BPHL: variants seen among roughly 807,000 people sequenced by gnomAD.
BPHL encodes serine hydrolase BPHL.
In BPHL, 27 loss-of-function variants were observed where a neutral mutation model predicts 31.2. That is an observed-to-expected ratio of 0.87 (90% CI 0.64 to 1.19). The LOEUF is 1.19. Ranked by LOEUF, BPHL falls within the 50% of genes most tolerant of loss-of-function variation. The pLI is 0.00. For synonymous variants in BPHL, 150 were observed against 146.8 expected (o/e 1.02, Z -0.16); for missense variants, 356 against 375.7 (o/e 0.95, Z 0.43).
At chr6:3,129,314 C>G (rs1465398648) in intron 4 of BPHL, 116 bp downstream of exon 4, 33 of 1,293,240 alleles carry the variant, frequency 2.6e-5, no homozygotes, top group Non-Finnish European at 2.2e-5. Flanking sequence ...TAGTTCTCAA[C>G]TCTCAGGTAG....
At chr6:3,124,529 A>G (rs1241884664) in intron 2 of BPHL, among the ~76,000 whole-genome samples, 2 of 152,172 alleles carry the variant, frequency 1.3e-5, no homozygotes, top group Non-Finnish European at 2.9e-5. Context: ...CTGATATAAA[A>G]TAGCTCAATG....
intron 4 of BPHL, 102 bp from the exon 5 acceptor site, chr6:3,137,260 C>T (rs767211623): frequency 3.5e-6 from 5 of 1,417,034 alleles, no homozygotes; most frequent in Non-Finnish European, 4.8e-6. Context: ...GCAGACGAGA[C>T]AGTGAGCGCA....
Position 3,140,593 on chromosome 6 carries a change from G to A in BPHL, c.788+84G>A. 6.3e-7 allele frequency: 1 copy of A among 1,581,572 alleles called. No individual in the cohort carries two copies. Reference sequence around the variant, plus strand: ...CTACTGGAAGGAAAATAACCAAGAGGAGTTGGAGTTTTAGAGTGCACAGCC... The same window carrying A: ...CTACTGGAAGGAAAATAACCAAGAGAAGTTGGAGTTTTAGAGTGCACAGCC... On this transcript the variant is annotated intron_variant, in intron 6 of 6. Transcript: ENST00000380379. The surrounding 1 kb of genome is among the most constrained non-coding windows in gnomAD (Gnocchi z 5.2).
chr6:3,121,291 CTTTTTTTTTTT>C (rs67332286), intron 1 of BPHL, among the ~76,000 whole-genome samples: 3 of 80,380 alleles, frequency 3.7e-5, no homozygotes, highest in Admixed American at 1.4e-4. Flanking sequence ...ATAGCAGTTT[CTTTTTTTTTTT>C]TTTTTTTTTT....
At chr6:3,129,277 G>A (rs994078253) in intron 4 of BPHL, 79 bp downstream of exon 4, 160 of 1,441,596 alleles carry the variant, frequency 1.1e-4, no homozygotes, top group Non-Finnish European at 1.4e-4. Flanking sequence ...TGTGGGATAT[G>A]TTGACAAGAC....
At chr6:3,145,970 GGAGTGCTGGTTTGGGTC>G (rs1581486102) in intron 6 of BPHL, among the ~76,000 whole-genome samples, 2 of 69,786 alleles carry the variant, frequency 2.9e-5, no homozygotes, top group Admixed American at 1.2e-4. Context: ...GGTTTGGGTC[GGAGTGCTGGTTTGGGTC>G]GAGTGCTGGT....
intron 4 of BPHL, 80 bp from the exon 5 acceptor site, chr6:3,137,282 G>A: frequency 6.6e-7 from 1 of 1,525,832 alleles, no homozygotes; most frequent in South Asian, 1.2e-5. Context: ...GGGCTCAGAA[G>A]TGGCTCTTGC....
intron 1 of BPHL, among the ~76,000 whole-genome samples, chr6:3,123,088 T>C (rs2113745261): frequency 6.6e-6 from 1 of 152,342 alleles, no homozygotes; most frequent in African/African-American, 2.4e-5. Context: ...GCAAGCCGCC[T>C]AGGGTTTTTG....
At chr6:3,141,375 G>GT (rs553898894) in intron 6 of BPHL, among the ~76,000 whole-genome samples, 9 of 151,164 alleles carry the variant, frequency 6.0e-5, no homozygotes, top group African/African-American at 9.7e-5. Context: ...GAGGGAGTTG[G>GT]TTTTTTTTTG....
chr6:3,130,738 A>G (rs2113755231), intron 4 of BPHL, among the ~76,000 whole-genome samples: 1 of 152,306 alleles, frequency 6.6e-6, no homozygotes, highest in East Asian at 1.9e-4. Flanking sequence ...AGAATATCAC[A>G]AGTCTAGTCT....
chr6:3,152,709 A>G lies in BPHL; in HGVS notation c.*134A>G, dbSNP rs1581494832. On this transcript the variant is annotated 3_prime_UTR_variant, in exon 7 of 7. Coordinates refer to ENST00000380379, the MANE Select transcript of BPHL (RefSeq NM_004332.4). The stretch of plus-strand genomic sequence containing the variant: ...CCTTCAATCTTATCCTAACCAAATG[A>G]GAATAATGACATATTGAAAACAGCC... 23 of 748,882 alleles carry G rather than the reference A, an allele frequency of 3.1e-5. No individual in the cohort carries two copies. The East Asian group carries it at 6.2e-4, about 20-fold the overall frequency. 46.4% of individuals were successfully genotyped at this position (748,882 alleles called of 1,614,324 possible). A position where few individuals can be genotyped will look rare whatever the true frequency, so the allele number is the denominator to read the frequency against.
At chr6:3,128,856 T>G (rs1761788011) in intron 3 of BPHL, among the ~76,000 whole-genome samples, 189 bp from the exon 4 acceptor site, 1 of 152,254 alleles carries the variant, frequency 6.6e-6, no homozygotes, top group Admixed American at 6.5e-5. Flanking sequence ...CAGGTTTTTG[T>G]GACAATTTCC....
chr6:3,119,366 C>G, intron 1 of BPHL: 1 of 1,575,666 alleles, frequency 6.3e-7, no homozygotes, highest in South Asian at 1.1e-5. Context: ...TTGCTGATCT[C>G]GTACCTTAAT....
At position 3,144,393 on chromosome 6, in the gene BPHL, T is replaced by TTTG. The variant is rs1405528192; in HGVS notation, c.788+3886_788+3887insGTT. Reference sequence around the variant, plus strand: ...TCTTCTTTTTTTTTTTTTTTTTTGTTTTTTTTTTTAAGAGACAGGGCTTGC... The same window carrying TTTG: ...TCTTCTTTTTTTTTTTTTTTTTTGTTTTGTTTTTTTTTAAGAGACAGGGCTTGC... On this transcript the variant is annotated intron_variant, in intron 6 of 6. Coordinates refer to ENST00000380379, the MANE Select transcript of BPHL (RefSeq NM_004332.4). Among the ~76,000 whole-genome samples the TTTG allele has an allele frequency of 3.8e-4, 33 of 87,062 alleles. 1 individual carries two copies. The highest frequency in any genetic ancestry group is 8.6e-4 in the Non-Finnish European group (29 of 33,908). The allele number at this position is 87,062 out of a possible 152,430, so 57.1% of individuals were successfully genotyped here. A position where few individuals can be genotyped will look rare whatever the true frequency, so the allele number is the denominator to read the frequency against.
chr6:3,131,945 G>A (rs1761882119), intron 4 of BPHL, among the ~76,000 whole-genome samples: 1 of 152,206 alleles, frequency 6.6e-6, no homozygotes, highest in Admixed American at 6.5e-5. Context: ...GCACGTGCCT[G>A]TGTCACGGCC....
intron 4 of BPHL, among the ~76,000 whole-genome samples, chr6:3,134,147 T>G (rs149136384): frequency 1.2e-3 from 186 of 152,324 alleles, no homozygotes; most frequent in African/African-American, 4.3e-3. Context: ...GGTGAAAAGT[T>G]TTTTGTTATG....
At chr6:3,123,256 A>T (rs560993624) in intron 1 of BPHL, among the ~76,000 whole-genome samples, 4 of 152,276 alleles carry the variant, frequency 2.6e-5, no homozygotes, top group African/African-American at 4.8e-5. Flanking sequence ...GAGGCGACTC[A>T]TTCATATACA....
chr6:3,141,843 G>A (rs1762186606), intron 6 of BPHL, among the ~76,000 whole-genome samples: 2 of 151,870 alleles, frequency 1.3e-5, no homozygotes, highest in Admixed American at 6.5e-5. Flanking sequence ...GCATGGTGGC[G>A]GGTGCCTGTA....
At chr6:3,121,058 A>T (rs1220956946) in intron 1 of BPHL, among the ~76,000 whole-genome samples, 2 of 152,178 alleles carry the variant, frequency 1.3e-5, no homozygotes, top group Non-Finnish European at 2.9e-5. Flanking sequence ...TTTTGTGAGG[A>T]TTTGAAACAA....
Sources: allele counts gnomAD v4.1 joint callset (sites outside exome capture counted in the v4.1 genomes callset), GRCh38; gene constraint gnomAD v4.1.1; non-coding constraint Gnocchi (gnomAD v3.1); transcripts MANE v1.5; gene names NCBI Gene and HGNC (gene_info 2026-07-23, HGNC 2026-07-21).